The following PACSIN2 variants were observed in gnomAD, a reference collection of about 807,000 sequenced individuals.
PACSIN2 encodes protein kinase C and casein kinase substrate in neurons protein 2.
Under a neutral mutation model 63.8 loss-of-function variants are expected in PACSIN2, and 25 were observed. The ratio of observed to expected loss-of-function variants is 0.39; its 90% CI spans 0.29 to 0.55. PACSIN2 has a LOEUF of 0.55. Among genes scored for constraint, PACSIN2 ranks in the 20% least tolerant of loss-of-function variants. PACSIN2 has a pLI of 0.62. For missense variants in PACSIN2, 518 were observed against 646.9 expected (o/e 0.80, Z 2.16); for synonymous variants, 255 against 256.2 (o/e 1.00, Z 0.05).
chr22:42,917,965 C>T (rs1044305498), intron 1 of PACSIN2, among the ~76,000 whole-genome samples: 6 of 152,098 alleles, frequency 3.9e-5, no homozygotes, highest in South Asian at 2.1e-4. Context: ...ATTTGTTGCA[C>T]GGGAACACTC....
intron 1 of PACSIN2, among the ~76,000 whole-genome samples, chr22:42,975,121 CCTCT>C (rs1921601219): frequency 6.6e-6 from 1 of 152,110 alleles, no homozygotes; most frequent in Admixed American, 6.5e-5. Flanking sequence ...CTCACATCAC[CCTCT>C]CTAAGGTCCA....
intron 1 of PACSIN2, among the ~76,000 whole-genome samples, chr22:42,931,688 C>A (rs777262241): frequency 6.6e-6 from 1 of 152,198 alleles, no homozygotes; most frequent in East Asian, 1.9e-4. Context: ...CTTCCAGCTG[C>A]TGGCTAGGCT....
chr22:42,975,611 CT>C lies in PACSIN2; in HGVS notation c.-78+39409del, dbSNP rs67294174. ...TTACAGATACATGTGTATAAGTATT[CT>C]TTTTTTTTTCCCTTTTTCTAACCAG... On this transcript the variant is annotated intron_variant, in intron 1 of 10. Transcript: ENST00000263246. 6.5e-5 allele frequency among the ~76,000 whole-genome samples: 9 copies of C among 139,430 alleles called. No individual in the cohort carries two copies. In the South Asian group the frequency reaches 8.8e-4, roughly 14 times the overall value. The allele number at this position is 139,430 out of a possible 152,430, so 91.5% of individuals were successfully genotyped here.
chr22:42,937,103 C>T (rs1932948427), intron 1 of PACSIN2, among the ~76,000 whole-genome samples: 1 of 152,224 alleles, frequency 6.6e-6, no homozygotes, highest in African/African-American at 2.4e-5. Context: ...GACCAAAACT[C>T]CTGCCCTCAT....
At chr22:42,881,799 A>T (rs1218083868) in intron 7 of PACSIN2, among the ~76,000 whole-genome samples, 3 of 151,774 alleles carry the variant, frequency 2.0e-5, no homozygotes, top group African/African-American at 7.3e-5. Context: ...CCCCTGGCCC[A>T]CCGTGAGGGG....
chr22:42,984,169 G>T lies in PACSIN2; in HGVS notation c.-78+30852C>A, dbSNP rs146383299. The stretch of plus-strand genomic sequence containing the variant: ...TGTTTTTTTGTAGAGACGGAGTTTC[G>T]CCATGTTGCTCAGGCTGGTCTCAAA... On this transcript the variant is annotated intron_variant, in intron 1 of 10. Coordinates refer to ENST00000263246, the MANE Select transcript of PACSIN2 (RefSeq NM_001184970.3). Among the ~76,000 whole-genome samples the T allele has an allele frequency of 3.2e-3, 489 of 151,726 alleles. 8 individuals carry two copies. Among genetic ancestry groups the T allele is most frequent in the Non-Finnish European group, 8.8e-4 (60 of 67,928 alleles).
chr22:42,971,315 G>A (rs1014134513), intron 1 of PACSIN2, among the ~76,000 whole-genome samples: 6 of 152,128 alleles, frequency 3.9e-5, no homozygotes, highest in African/African-American at 1.4e-4. Flanking sequence ...TCCAGCTCCC[G>A]ACCGCAAGTG....
intron 1 of PACSIN2, among the ~76,000 whole-genome samples, chr22:42,971,001 T>C (rs1010492169): frequency 2.0e-5 from 3 of 152,178 alleles, no homozygotes; most frequent in African/African-American, 7.2e-5. Context: ...GCACCACCTC[T>C]CACCACTCAG....
At chr22:42,987,482 A>G (rs928226562) in intron 1 of PACSIN2, among the ~76,000 whole-genome samples, 1 of 110,890 alleles carries the variant, frequency 9.0e-6, no homozygotes, top group African/African-American at 3.8e-5. Flanking sequence ...ACACACACAC[A>G]CACACACACA....
rs571128438 is a variant in PACSIN2 at position 42,939,747 on chromosome 22, T to C, written c.-77-27590A>G. 8.1e-4 allele frequency among the ~76,000 whole-genome samples: 124 copies of C among 152,300 alleles called. 1 individual carries two copies. Among genetic ancestry groups the C allele is most frequent in the Non-Finnish European group, 1.5e-3 (100 of 68,022 alleles). ...TGCAGTCACTTCCTGCCAGCCTGTT[T>C]CCTTACCTACAAGAGGGAGAGACAC... On this transcript the variant is annotated intron_variant, in intron 1 of 10. Coordinates refer to ENST00000263246, the MANE Select transcript of PACSIN2 (RefSeq NM_001184970.3).
intron 1 of PACSIN2, among the ~76,000 whole-genome samples, chr22:42,945,194 T>A (rs1314414803): frequency 6.7e-6 from 1 of 148,382 alleles, no homozygotes; most frequent in Non-Finnish European, 1.5e-5. Context: ...TGACTAGATG[T>A]ACGCACCGGC....
In PACSIN2 at chr22:42,969,068, T is replaced by TCCATCCATCCATCCATCCAC. The variant is rs1425413218; in HGVS notation, c.-78+45952_-78+45953insGTGGATGGATGGATGGATGG. Among the ~76,000 whole-genome samples, 64 of 152,074 alleles carry TCCATCCATCCATCCATCCAC rather than the reference T, an allele frequency of 4.2e-4. 1 individual carries two copies. The highest frequency in any genetic ancestry group is 1.2e-3 in the East Asian group (6 of 5,184). ...CTCCATCCATCCATCCATCCATCCA[T>TCCATCCATCCATCCATCCAC]CCACCCTATTGGCTCTGACTAATAC... On this transcript the variant is annotated intron_variant, in intron 1 of 10. Coordinates refer to ENST00000263246, the MANE Select transcript of PACSIN2 (RefSeq NM_001184970.3).
intron 1 of PACSIN2, among the ~76,000 whole-genome samples, chr22:43,007,219 CTTT>C (rs532308992): frequency 5.1e-5 from 7 of 137,836 alleles, no homozygotes; most frequent in Admixed American, 1.4e-4. Context: ...ACCTCTTGTT[CTTT>C]TTTTTTTTTT....
chr22:42,932,084 G>A (rs578093820), intron 1 of PACSIN2, among the ~76,000 whole-genome samples: 4 of 152,152 alleles, frequency 2.6e-5, no homozygotes, highest in South Asian at 2.1e-4. Flanking sequence ...TGCAAATCCC[G>A]TCATGACCCG....
intron 1 of PACSIN2, among the ~76,000 whole-genome samples, chr22:42,914,547 T>C (rs1177518131): frequency 6.6e-6 from 1 of 152,222 alleles, no homozygotes; most frequent in Non-Finnish European, 1.5e-5. Flanking sequence ...CCTATGCTGC[T>C]AGCCAGGGCC....
chr22:42,880,978 C>T (rs929843200), intron 7 of PACSIN2, among the ~76,000 whole-genome samples: 8 of 152,238 alleles, frequency 5.3e-5, no homozygotes, highest in Non-Finnish European at 1.2e-4. Flanking sequence ...AGAGGAGAGG[C>T]TGGGCTTTGT....
rs141899828 is a variant in PACSIN2 at position 42,921,482 on chromosome 22, C to T, written c.-77-9325G>A. ...CTCTTACAGAGATGTGGCCACTCTC[C>T]CATTTAGGGGAAGGGCCAAGAGGGA... On this transcript the variant is annotated intron_variant, in intron 1 of 10. Coordinates refer to ENST00000263246, the MANE Select transcript of PACSIN2 (RefSeq NM_001184970.3). Among the ~76,000 whole-genome samples the T allele has an allele frequency of 8.2e-3, 1,244 of 152,266 alleles. 13 individuals are homozygous for T. The highest frequency in any genetic ancestry group is 0.029 in the African/African-American group (1,185 of 41,556).
chr22:42,970,245 A>G (rs1479307108), intron 1 of PACSIN2, among the ~76,000 whole-genome samples: 2 of 152,232 alleles, frequency 1.3e-5, no homozygotes, highest in Non-Finnish European at 2.9e-5. Flanking sequence ...CACGGTGGTG[A>G]GTCATGGCAG....
chr22:42,936,919 G>T (rs1004127841), intron 1 of PACSIN2, among the ~76,000 whole-genome samples: 8 of 130,264 alleles, frequency 6.1e-5, no homozygotes, highest in African/African-American at 2.1e-4. Context: ...TCAAAAAAAG[G>T]GGGGGGGGCA....
Sources: allele counts gnomAD v4.1 joint callset (sites outside exome capture counted in the v4.1 genomes callset), GRCh38; gene constraint gnomAD v4.1.1; transcripts MANE v1.5; gene names NCBI Gene and HGNC (gene_info 2026-07-23, HGNC 2026-07-21).